The following ESR2 variants were observed in gnomAD, a reference collection of about 807,000 sequenced individuals.
ESR2 encodes estrogen receptor 2, also known as estrogen receptor beta.
Under a neutral mutation model 49.6 loss-of-function variants are expected in ESR2, and 36 were observed. That is an observed-to-expected ratio of 0.73 (90% CI 0.56 to 0.96). ESR2 has a LOEUF of 0.96. Among genes scored for constraint, ESR2 ranks in the 40% least tolerant of loss-of-function variants. The pLI is 0.00. For synonymous variants in ESR2, 320 were observed against 266.1 expected (o/e 1.20, Z -1.97); for missense variants, 714 against 693.0 (o/e 1.03, Z -0.34).
chr14:64,283,146 CA>C, intron 1 of ESR2, 71 bp from the exon 2 acceptor site: 1 of 599,908 alleles, frequency 1.7e-6, no homozygotes, highest in South Asian at 3.1e-5. Context: ...TAAATATTTT[CA>C]TTAAAAAAAT....
At chr14:64,335,692 G>A (rs1470873663) in intron 1 of ESR2, 1 of 151,860 alleles carries the variant, frequency 6.6e-6, no homozygotes, top group Non-Finnish European at 1.5e-5. Flanking sequence ...GTCTATAGCA[G>A]CTATCTCCCA....
chr14:64,263,738 A>C (rs1183302992), intron 4 of ESR2, among the ~76,000 whole-genome samples: 1 of 152,164 alleles, frequency 6.6e-6, no homozygotes, highest in African/African-American at 2.4e-5. Flanking sequence ...AAAAAGAGAA[A>C]CTGACAGATG....
chr14:64,300,686 G>T (rs976121866), intron 1 of ESR2, among the ~76,000 whole-genome samples: 21 of 152,252 alleles, frequency 1.4e-4, no homozygotes, highest in African/African-American at 4.6e-4. Context: ...AGCCTGGGAG[G>T]TTGAGGCTTC....
chr14:64,329,852 TACCC>T (rs2077434176), intron 1 of ESR2: 1 of 151,388 alleles, frequency 6.6e-6, no homozygotes, highest in Admixed American at 6.6e-5. Context: ...CAAGATAAAC[TACCC>T]GGCTAGGCAT....
chr14:64,255,291 T>C (rs1469246690), intron 6 of ESR2, among the ~76,000 whole-genome samples: 3 of 152,126 alleles, frequency 2.0e-5, no homozygotes, highest in Non-Finnish European at 4.4e-5. Flanking sequence ...TGTATATTTA[T>C]ACATATGTAT....
At chr14:64,227,250 C>T (rs2098722217), downstream of ESR2, 3 of 449,886 alleles carry the variant, frequency 6.7e-6, no homozygotes, top group Non-Finnish European at 1.2e-5. Flanking sequence ...GATGAAGCCT[C>T]AGCTTTCTAC....
chr14:64,235,128 C>T lies in ESR2; in HGVS notation c.1248G>A (p.Ala416=), dbSNP rs1242354579. 16 of 1,613,912 alleles carry T rather than the reference C, an allele frequency of 9.9e-6. No individual in the cohort carries two copies. The highest frequency in any genetic ancestry group is 1.3e-5 in the Non-Finnish European group (15 of 1,180,024). Residue 416 remains alanine, a synonymous_variant, in exon 8 of 9, where the codon GCG becomes GCA. Coordinates refer to ENST00000341099, the MANE Select transcript of ESR2 (RefSeq NM_001437.3). ...LNSSMYPLVT[A]TQDADSSRKL... Reference sequence around the variant, plus strand: ...TCCGGCTGCTGTCAGCATCCTGGGTCGCTGTGACCAGAGGGTACATACCTG... The same window carrying T: ...TCCGGCTGCTGTCAGCATCCTGGGTTGCTGTGACCAGAGGGTACATACCTG...
intron 1 of ESR2, among the ~76,000 whole-genome samples, chr14:64,316,008 A>AT (rs1310990906): frequency 6.7e-6 from 1 of 149,922 alleles, no homozygotes; most frequent in Non-Finnish European, 1.5e-5. Flanking sequence ...TTTATAATTT[A>AT]TTTTTACTTT....
intron 7 of ESR2, among the ~76,000 whole-genome samples, chr14:64,241,987 A>G (rs959640876): frequency 7.9e-5 from 12 of 151,446 alleles, no homozygotes; most frequent in Non-Finnish European, 1.0e-4. Flanking sequence ...GTGATTAAGT[A>G]TAATATTAAA....
intron 1 of ESR2, among the ~76,000 whole-genome samples, chr14:64,320,882 C>T (rs1024175702): frequency 5.9e-5 from 9 of 151,844 alleles, no homozygotes; most frequent in African/African-American, 1.9e-4. Context: ...GTAACAAGAG[C>T]GAAACTCCGC....
rs143220760 is a variant in ESR2, at chr14:64,271,158, T to C, written c.536-2247A>G. On this transcript the variant is annotated intron_variant, in intron 3 of 8. Coordinates refer to ENST00000341099, the MANE Select transcript of ESR2 (RefSeq NM_001437.3). ...TCTCCCTCTGTTGCCCAGGCTGGAGTTGCAGTGGTGTGATCTCAACTCACT... is the reference window on the plus strand; with the variant it reads ...TCTCCCTCTGTTGCCCAGGCTGGAGCTGCAGTGGTGTGATCTCAACTCACT... Among the ~76,000 whole-genome samples, 862 of 151,412 alleles carry C rather than the reference T, an allele frequency of 5.7e-3. 10 individuals are homozygous for C. The highest frequency in any genetic ancestry group is 0.02 in the African/African-American group (835 of 41,248).
At position 64,230,385 on chromosome 14, in the gene ESR2, A is replaced by G. The variant is rs2140591744; in HGVS notation, c.*2752T>C. 6.6e-6 allele frequency among the ~76,000 whole-genome samples: 1 copy of G among 152,298 alleles called. No homozygotes were observed. The highest frequency in any genetic ancestry group is 2.1e-4 in the South Asian group (1 of 4,822). ...CAATTCCACTTATATACATAAATAT[A>G]TATGGATATATAATATGGCTCTGCC... On this transcript the variant is annotated 3_prime_UTR_variant, in exon 9 of 9. Coordinates refer to ENST00000341099, the MANE Select transcript of ESR2 (RefSeq NM_001437.3).
chr14:64,232,973 C>A lies in ESR2; in HGVS notation c.*164G>T. 7.3e-7 allele frequency: 1 copy of A among 1,373,578 alleles called. No individual in the cohort carries two copies. The allele number at this position is 1,373,578 out of a possible 1,614,324, so 85.1% of individuals were successfully genotyped here. A position where few individuals can be genotyped will look rare whatever the true frequency, so the allele number is the denominator to read the frequency against. On this transcript the variant is annotated 3_prime_UTR_variant, in exon 9 of 9. Transcript: ENST00000341099. ...GGAAACTATGGCTTCCTCACACCGA[C>A]TCCTGAGAGTTGGGAAGGTGGAGGG...
chr14:64,321,916 G>C (rs2077328741), intron 1 of ESR2, among the ~76,000 whole-genome samples: 1 of 152,114 alleles, frequency 6.6e-6, no homozygotes, highest in South Asian at 2.1e-4. Flanking sequence ...CCAGACATGG[G>C]AGAGAGGGGA....
At chr14:64,331,461 A>G (rs2140907206) in intron 1 of ESR2, among the ~76,000 whole-genome samples, 1 of 152,312 alleles carries the variant, frequency 6.6e-6, no homozygotes, top group East Asian at 1.9e-4. Context: ...CTGGGCCTAA[A>G]TATCTCAGTC....
intron 2 of ESR2, among the ~76,000 whole-genome samples, chr14:64,281,871 A>G (rs1351059187): frequency 2.0e-5 from 3 of 152,264 alleles, no homozygotes; most frequent in South Asian, 2.1e-4. Context: ...CCAATCATCT[A>G]TCTTTTCATG....
At chr14:64,227,596 T>G (rs756892111), downstream of ESR2, 51 of 1,614,048 alleles carry the variant, frequency 3.2e-5, no homozygotes, top group East Asian at 4.5e-5. Flanking sequence ...AGGTGAGTGT[T>G]TGAGAGGCCT....
chr14:64,277,475 A>T (rs2076578310), intron 3 of ESR2, among the ~76,000 whole-genome samples: 1 of 151,862 alleles, frequency 6.6e-6, no homozygotes, highest in African/African-American at 2.4e-5. Flanking sequence ...AATACAAAAA[A>T]TTAGCAGGGT....
At chr14:64,257,722 C>A (rs1242661483) in intron 5 of ESR2, among the ~76,000 whole-genome samples, 2 of 151,210 alleles carry the variant, frequency 1.3e-5, no homozygotes, top group African/African-American at 4.9e-5. Context: ...CTGACCCAAT[C>A]CTTGACTGGG....
Sources: gnomAD v4.1 joint callset for allele counts (sites outside exome capture counted in the v4.1 genomes callset) on GRCh38, gnomAD v4.1.1 for gene constraint, MANE v1.5 for transcripts, NCBI Gene and HGNC (gene_info 2026-07-23, HGNC 2026-07-21) for gene names.